CCDC73: variants seen among roughly 807,000 people sequenced by gnomAD.
CCDC73 encodes the protein coiled-coil domain containing 73.
CCDC73 carries 95 observed loss-of-function variants against 116.5 expected under a neutral mutation model. The observed-to-expected ratio is 0.82, with a 90% CI of 0.69 to 0.97. The LOEUF is 0.97. Ranked by LOEUF, CCDC73 falls within the 50% of genes least tolerant of loss-of-function variation. The pLI, the probability that CCDC73 is intolerant of heterozygous loss-of-function variation, is 0.00. For missense variants in CCDC73, 1,066 were observed against 1,206.8 expected, an observed-to-expected ratio of 0.88 and a Z score of 1.73; for synonymous variants, 398 against 401.3, an observed-to-expected ratio of 0.99 and a Z score of 0.10.
chr11:32,798,773 T>C (rs1461412498), upstream of CCDC73, among the ~76,000 whole-genome samples: 1 of 152,168 alleles, frequency 6.6e-6, no homozygotes, highest in Admixed American at 6.6e-5. Flanking sequence ...CATGCTCTCT[T>C]GTTTCCCTTT....
At chr11:32,725,599 G>T (rs1850024096) in intron 2 of CCDC73, among the ~76,000 whole-genome samples, 1 of 152,040 alleles carries the variant, frequency 6.6e-6, no homozygotes, top group Non-Finnish European at 1.5e-5. Flanking sequence ...ATTCATTTCA[G>T]CTAACTTATT....
At position 32,613,610 on chromosome 11, in the gene CCDC73, T is replaced by A. The variant is rs770293555; in HGVS notation, c.2708A>T (p.Asn903Ile). 47 of 1,613,948 alleles carry A rather than the reference T, an allele frequency of 2.9e-5. No individual in the cohort carries two copies. The highest frequency in any genetic ancestry group is 4.0e-5 in the Non-Finnish European group (47 of 1,179,972). ...TGACCAAGGACCGGGGTCTGAAAAA[T>A]TCATGTATACTGGAGTTTTCTCAGT... ...KKTEKTPVYM[N>I]FSDPGPWSKV... The change falls in exon 16 of 18, where the codon AAT becomes ATT. Residue 903 changes from asparagine to isoleucine, a missense_variant. Physicochemically the swap from Asn to Ile is moderately radical, Grantham distance 149. Coordinates refer to ENST00000335185, the MANE Select transcript of CCDC73 (RefSeq NM_001008391.4).
intron 17 of CCDC73, among the ~76,000 whole-genome samples, chr11:32,609,041 G>A (rs1855389301): frequency 6.6e-6 from 1 of 152,172 alleles, no homozygotes; most frequent in Non-Finnish European, 1.5e-5. Flanking sequence ...TTTGTGATGG[G>A]AAGGGCTGCC....
chr11:32,676,077 C>G, intron 7 of CCDC73, 56 bp from the exon 8 acceptor site: 2 of 1,383,714 alleles, frequency 1.4e-6, no homozygotes, highest in East Asian at 4.9e-5. Context: ...CATCGCCACA[C>G]ACAACAAATA....
intron 14 of CCDC73, among the ~76,000 whole-genome samples, chr11:32,631,605 A>G (rs572012385): frequency 4.7e-5 from 6 of 126,340 alleles, no homozygotes; most frequent in Admixed American, 7.9e-5. Flanking sequence ...AAGGAAGGAA[A>G]GGAAGGGAAG....
chr11:32,729,477 A>G (rs1850057375), intron 2 of CCDC73, among the ~76,000 whole-genome samples: 1 of 152,158 alleles, frequency 6.6e-6, no homozygotes, highest in South Asian at 2.1e-4. Flanking sequence ...GCTGCAATGA[A>G]CATACGTGTG....
At chr11:32,751,494 C>T (rs1324718239) in intron 2 of CCDC73, among the ~76,000 whole-genome samples, 1 of 152,216 alleles carries the variant, frequency 6.6e-6, no homozygotes, top group Non-Finnish European at 1.5e-5. Flanking sequence ...GTTCAAACCA[C>T]TGGGATGGGT....
intron 1 of CCDC73, among the ~76,000 whole-genome samples, chr11:32,764,210 C>T (rs1850419563): frequency 6.6e-6 from 1 of 152,170 alleles, no homozygotes; most frequent in Non-Finnish European, 1.5e-5. Flanking sequence ...TCCAGGAGAA[C>T]TTCCCCAACC....
chr11:32,695,993 T>G (rs1331267743), intron 6 of CCDC73, among the ~76,000 whole-genome samples: 2 of 152,132 alleles, frequency 1.3e-5, no homozygotes, highest in African/African-American at 4.8e-5. Context: ...TAAGAAAAAA[T>G]GTTTAGCTAC....
chr11:32,653,332 A>C, intron 11 of CCDC73, 105 bp from the exon 12 acceptor site: 1 of 649,128 alleles, frequency 1.5e-6, no homozygotes. Context: ...CTGTATTTAT[A>C]GTTTAATTTC....
At chr11:32,777,530 C>T (rs1414921599) in intron 1 of CCDC73, among the ~76,000 whole-genome samples, 2 of 152,042 alleles carry the variant, frequency 1.3e-5, no homozygotes, top group African/African-American at 4.8e-5. Context: ...CTGTTGAAGG[C>T]TTACAATAGA....
At chr11:32,639,241 A>T (rs1855709831) in intron 13 of CCDC73, among the ~76,000 whole-genome samples, 1 of 149,960 alleles carries the variant, frequency 6.7e-6, no homozygotes, top group Admixed American at 6.6e-5. Context: ...CCAGCTAAAG[A>T]AAATGATTTA....
intron 1 of CCDC73, among the ~76,000 whole-genome samples, chr11:32,783,459 T>C (rs896826688): frequency 1.3e-5 from 2 of 152,164 alleles, no homozygotes; most frequent in African/African-American, 4.8e-5. Context: ...CAGATGACTA[T>C]AACAAAATAT....
At chr11:32,645,877 T>A (rs1318663732) in intron 12 of CCDC73, among the ~76,000 whole-genome samples, 2 of 152,198 alleles carry the variant, frequency 1.3e-5, no homozygotes, top group Admixed American at 1.3e-4. Context: ...TTACACGTGG[T>A]CTGTCACTGA....
chr11:32,653,181 T>G lies in CCDC73; in HGVS notation c.881A>C (p.Gln294Pro), dbSNP rs992549771. Residue 294 changes from glutamine (Q) to proline (P), a missense_variant, in exon 12 of 18, where the codon CAA (glutamine) becomes CCA (proline). Physicochemically the swap from Gln to Pro is moderately conservative, Grantham distance 76. Coordinates refer to ENST00000335185, the MANE Select transcript of CCDC73 (RefSeq NM_001008391.4). ...CTCCATTTCAGTATTAGCTTGAATTTGTTGCCGAAGTAACTGCTGCATATG... is the reference window on the plus strand; with the variant it reads ...CTCCATTTCAGTATTAGCTTGAATTGGTTGCCGAAGTAACTGCTGCATATG... ...FQHMQQLLRQ[Q>P]IQANTEMEAE... 6.2e-7 allele frequency: 1 copy of G among 1,612,260 alleles called. No homozygotes were observed. The highest frequency in any genetic ancestry group is 1.3e-5 in the African/African-American group (1 of 74,998).
the CCDC73 span, among the ~76,000 whole-genome samples, chr11:32,819,989 TCTTTC>T: frequency 3.3e-5 from 5 of 152,304 alleles, no homozygotes; most frequent in East Asian, 9.6e-4. Context: ...ATTTTTCTTC[TCTTTC>T]CTTATCTCCT....
rs113368045 is a variant in CCDC73, at chr11:32,709,298, GT to G, written c.208-6355del. Among the ~76,000 whole-genome samples, 4 of 151,674 alleles carry G rather than the reference GT, an allele frequency of 2.6e-5. No individual in the cohort carries two copies. The East Asian group carries it at 7.7e-4, about 29-fold the overall frequency. On this transcript the variant is annotated intron_variant, in intron 3 of 17. Coordinates refer to ENST00000335185, the MANE Select transcript of CCDC73 (RefSeq NM_001008391.4). ...ATCTTTTTGATATGCTGTTGGATTT[GT>G]TTTTTTTGTTTGTTTTTGAGATGGA...
At chr11:32,786,832 ATTATTTAAG>A (rs1342302309) in intron 1 of CCDC73, among the ~76,000 whole-genome samples, 1 of 152,080 alleles carries the variant, frequency 6.6e-6, no homozygotes, top group Non-Finnish European at 1.5e-5. Flanking sequence ...TTCTACTTAA[ATTATTTAAG>A]TTATTTAATT....
rs577718906 is a variant in CCDC73 at position 32,731,475 on chromosome 11, T to A, written c.136-13328A>T. ...GAATGGACAGACTGCATCAAGTGGG[T>A]CCCTGACTCCCGAGTAGCCTAACTG... On this transcript the variant is annotated intron_variant, in intron 2 of 17. Transcript: ENST00000335185. 1.1e-3 allele frequency among the ~76,000 whole-genome samples: 161 copies of A among 152,278 alleles called. 1 individual carries two copies. The highest frequency in any genetic ancestry group is 1.6e-3 in the Non-Finnish European group (107 of 68,004).
Sources: gnomAD v4.1 joint callset for allele counts (sites outside exome capture counted in the v4.1 genomes callset) on GRCh38, gnomAD v4.1.1 for gene constraint, MANE v1.5 for transcripts, NCBI Gene and HGNC (gene_info 2026-07-23, HGNC 2026-07-21) for gene names.